The following PHLDB2 variants were observed in gnomAD, a reference collection of about 807,000 sequenced individuals.
The protein encoded by PHLDB2 is pleckstrin homology like domain family B member 2.
PHLDB2 carries 71 observed loss-of-function variants against 123.6 expected under a neutral mutation model. The observed-to-expected ratio is 0.57, with a 90% CI of 0.47 to 0.70. The LOEUF is 0.70. PHLDB2 is among the 30% of genes least tolerant of loss of function. PHLDB2 has a pLI of 0.00. For missense variants in PHLDB2, 1,446 were observed against 1,519.5 expected (o/e 0.95, Z 0.80); for synonymous variants, 547 against 541.6 (o/e 1.01, Z -0.14).
intron 1 of PHLDB2, among the ~76,000 whole-genome samples, chr3:111,775,836 G>A (rs992216816): frequency 3.9e-5 from 6 of 152,062 alleles, no homozygotes; most frequent in Admixed American, 6.6e-5. Flanking sequence ...TGCTAAATTA[G>A]TGAGAGCTCA....
intron 1 of PHLDB2, among the ~76,000 whole-genome samples, chr3:111,831,034 G>GAAAGAAAGAAAAGAAAGAAAGAAAGA (rs1559855393): frequency 1.3e-4 from 6 of 46,172 alleles, no homozygotes; most frequent in Non-Finnish European, 2.3e-4. Context: ...AGAAAGAAAG[G>GAAAGAAAGAAAAGAAAGAAAGAAAGA]AAGGAAGGAA....
intron 1 of PHLDB2, among the ~76,000 whole-genome samples, chr3:111,830,075 T>A (rs2108466851): frequency 6.6e-6 from 1 of 152,178 alleles, no homozygotes; most frequent in African/African-American, 2.4e-5. Flanking sequence ...GTTTCTCCTA[T>A]CCACTCACCA....
chr3:111,834,227 T>TAGA (rs1559858244), intron 1 of PHLDB2, among the ~76,000 whole-genome samples: 3 of 97,286 alleles, frequency 3.1e-5, no homozygotes, highest in South Asian at 6.9e-4. Context: ...ATTATATATA[T>TAGA]ATTATGTATA....
At chr3:111,889,865 T>A (rs10934121) in intron 2 of PHLDB2, among the ~76,000 whole-genome samples, 73,729 of 151,674 alleles carry the variant, frequency 0.49, 18,721 homozygotes, top group East Asian at 0.78. Context: ...TCCTCGGGAG[T>A]TAGAAAAATA....
intron 1 of PHLDB2, among the ~76,000 whole-genome samples, chr3:111,761,772 A>G (rs1255204312): frequency 1.3e-5 from 2 of 152,320 alleles, no homozygotes; most frequent in East Asian, 3.9e-4. Flanking sequence ...ATACCACACC[A>G]TAAGACCCAC....
chr3:111,869,677 G>T (rs1218400377), intron 1 of PHLDB2, among the ~76,000 whole-genome samples: 3 of 148,008 alleles, frequency 2.0e-5, no homozygotes, highest in African/African-American at 7.5e-5. Flanking sequence ...GACCACTGTA[G>T]GCATGTGGAC....
At chr3:111,878,162 T>G (rs542035848) in intron 1 of PHLDB2, among the ~76,000 whole-genome samples, 1 of 152,352 alleles carries the variant, frequency 6.6e-6, no homozygotes, top group South Asian at 2.1e-4. Flanking sequence ...ATTTTCACAA[T>G]ATTGATTATT....
chr3:111,799,260 T>C (rs779250138), intron 1 of PHLDB2, among the ~76,000 whole-genome samples: 20 of 152,258 alleles, frequency 1.3e-4, no homozygotes, highest in Non-Finnish European at 2.5e-4. Context: ...ATTAAGAAGC[T>C]GGTACTCTTA....
intron 1 of PHLDB2, among the ~76,000 whole-genome samples, chr3:111,818,230 G>C (rs2062195457): frequency 6.6e-6 from 1 of 151,464 alleles, no homozygotes; most frequent in African/African-American, 2.4e-5. Flanking sequence ...AAGTATCAAA[G>C]AGAAATGTAG....
intron 1 of PHLDB2, among the ~76,000 whole-genome samples, chr3:111,769,315 A>G (rs545865826): frequency 6.6e-6 from 1 of 152,328 alleles, no homozygotes; most frequent in Admixed American, 6.5e-5. Context: ...TTAGGTAATA[A>G]TGTTCTGGGA....
Position 111,831,034 on chromosome 3 carries a change from G to GAAAGAAAGAAAGAAAGAAAGA in PHLDB2, c.-48-14785_-48-14784insAGAAAGAAAGAAAGAAAGAAA, listed in dbSNP as rs1559855393. ...GAAAGAAAGAAAGAAAGAAAGAAAG[G>GAAAGAAAGAAAGAAAGAAAGA]AAGGAAGGAAGAAAGAGAAAAGAGA... On this transcript the variant is annotated intron_variant, in intron 1 of 17. Transcript: ENST00000393923. Among the ~76,000 whole-genome samples, 48 of 46,148 alleles carry GAAAGAAAGAAAGAAAGAAAGA rather than the reference G, an allele frequency of 1.0e-3. 7 individuals carry two copies. Among genetic ancestry groups the GAAAGAAAGAAAGAAAGAAAGA allele is most frequent in the Middle Eastern group, 0.012 (1 of 86 alleles). The allele number at this position is 46,148 out of a possible 152,430, so 30.3% of individuals were successfully genotyped here. A position where few individuals can be genotyped will look rare whatever the true frequency, so the allele number is the denominator to read the frequency against.
intron 6 of PHLDB2, among the ~76,000 whole-genome samples, chr3:111,937,713 G>A (rs900979316): frequency 6.6e-6 from 1 of 151,398 alleles, no homozygotes; most frequent in Non-Finnish European, 1.5e-5. Flanking sequence ...GAGGTCGAGG[G>A]TGCAGTAAGC....
intron 1 of PHLDB2, among the ~76,000 whole-genome samples, chr3:111,819,263 G>T (rs1559847975): frequency 6.6e-6 from 1 of 152,074 alleles, no homozygotes; most frequent in Non-Finnish European, 1.5e-5. Flanking sequence ...GGTGGGGGGT[G>T]GCTGTGGGGC....
intron 1 of PHLDB2, among the ~76,000 whole-genome samples, chr3:111,819,072 G>C (rs992158559): frequency 6.6e-6 from 1 of 152,180 alleles, no homozygotes; most frequent in Non-Finnish European, 1.5e-5. Context: ...CTGGCTTGTA[G>C]ATGGCTGCCT....
chr3:111,787,599 TGGTTGGTA>T (rs1404015360), intron 1 of PHLDB2, among the ~76,000 whole-genome samples: 4 of 152,168 alleles, frequency 2.6e-5, no homozygotes, highest in Non-Finnish European at 5.9e-5. Flanking sequence ...TTCAAAGACA[TGGTTGGTA>T]GCTTGGGCTA....
intron 12 of PHLDB2, chr3:111,957,219 T>C (rs1447475242): frequency 2.6e-5 from 4 of 152,766 alleles, no homozygotes; most frequent in African/African-American, 9.6e-5. Flanking sequence ...TGTCCTTTTG[T>C]TTTTTGTTAA....
chr3:111,835,351 T>C (rs1157616032), intron 1 of PHLDB2, among the ~76,000 whole-genome samples: 1 of 152,146 alleles, frequency 6.6e-6, no homozygotes, highest in Non-Finnish European at 1.5e-5. Context: ...TTATTCAACA[T>C]ATACTACATG....
chr3:111,907,484 TTTTG>T (rs367885742), intron 2 of PHLDB2, among the ~76,000 whole-genome samples: 16 of 152,016 alleles, frequency 1.1e-4, no homozygotes, highest in East Asian at 3.9e-4. Flanking sequence ...CCCACAGGTT[TTTTG>T]TTTGTTTGTT....
At chr3:111,789,818 T>C (rs1260748203) in intron 1 of PHLDB2, among the ~76,000 whole-genome samples, 1 of 152,192 alleles carries the variant, frequency 6.6e-6, no homozygotes, top group Non-Finnish European at 1.5e-5. Context: ...GTGCCCTGAG[T>C]ATTTTTGTTT....
Sources: allele counts gnomAD v4.1 joint callset (sites outside exome capture counted in the v4.1 genomes callset), GRCh38; gene constraint gnomAD v4.1.1; transcripts MANE v1.5; gene names NCBI Gene and HGNC (gene_info 2026-07-23, HGNC 2026-07-21).